The following EXOC3L2 variants were observed in gnomAD, a reference collection of about 807,000 sequenced individuals.
EXOC3L2 encodes exocyst complex component 3 like 2, also known as exocyst complex component 3-like protein 2.
In EXOC3L2, 17 loss-of-function variants were observed where a neutral mutation model predicts 44.4. The ratio of observed to expected loss-of-function variants is 0.38; its 90% confidence interval spans 0.26 to 0.57. The LOEUF (loss-of-function observed/expected upper bound fraction) is 0.57. EXOC3L2 is among the 20% of genes least tolerant of loss of function. The probability of loss-of-function intolerance (pLI) is 0.65; values close to 1 mark genes in which losing one functional copy is unlikely to be tolerated. For synonymous variants in EXOC3L2, 256 were observed against 253.7 expected (o/e 1.01, Z -0.09); for missense variants, 541 against 588.4 (o/e 0.92, Z 0.83).
At chr19:45,215,590 G>T (rs1013853667) in intron 11 of EXOC3L2, among the ~76,000 whole-genome samples, 6 of 152,246 alleles carry the variant, frequency 3.9e-5, no homozygotes, top group African/African-American at 1.4e-4. Context: ...TGATGATGAT[G>T]ATAAATTTCC....
rs915319941 is a variant in EXOC3L2 at position 45,223,534 on chromosome 19, G to T, written c.1719+1244C>A. The stretch of plus-strand genomic sequence containing the variant: ...ATTTTTGTAATTTTAGTAGAGACGG[G>T]GTTTTGCCATATTGGCCAGGCTGGT... On this transcript the variant is annotated intron_variant, in intron 8 of 11. Transcript: ENST00000413988. Among the ~76,000 whole-genome samples the T allele has an allele frequency of 2.0e-5, 3 of 151,520 alleles. No individual in the cohort carries two copies. The East Asian group carries it at 6.1e-4, about 31-fold the overall frequency.
chr19:45,232,931 T>C (rs59242878), intron 3 of EXOC3L2, among the ~76,000 whole-genome samples: 3,021 of 151,292 alleles, frequency 0.02, 96 homozygotes, highest in African/African-American at 0.069. Flanking sequence ...TACAAAAAAA[T>C]TAGGCCGGGC....
At chr19:45,230,925 T>A (rs1020624651) in intron 4 of EXOC3L2, among the ~76,000 whole-genome samples, 1 of 122,824 alleles carries the variant, frequency 8.1e-6, no homozygotes, top group African/African-American at 3.4e-5. Context: ...TCTCTGCAAA[T>A]TTTTTTTTTT....
chr19:45,239,865 A>G (rs1272350502), intron 1 of EXOC3L2, among the ~76,000 whole-genome samples: 2 of 151,926 alleles, frequency 1.3e-5, no homozygotes, highest in Non-Finnish European at 2.9e-5. Flanking sequence ...CCGTGGAGAA[A>G]CAGGCTGAGA....
In EXOC3L2 at chr19:45,234,753, G is replaced by A. The variant is rs1970066371; in HGVS notation, c.597C>T (p.Ala199=). The change falls in exon 3 of 12, where the codon GCC becomes GCT. Residue 199 remains alanine, a synonymous_variant. Transcript: ENST00000413988. The surrounding 1 kb of genome is among the most constrained non-coding windows in gnomAD (Gnocchi z 5.0). ...RADEHILELE[A]EELAPSRGGA... ...CGCCCCTCGACGGCGCCAGCTCCTCGGCCTCTAGCTCCAGGATGTGCTCGT... is the reference window on the plus strand; with the variant it reads ...CGCCCCTCGACGGCGCCAGCTCCTCAGCCTCTAGCTCCAGGATGTGCTCGT... 1.0e-5 allele frequency: 4 copies of A among 395,664 alleles called. No homozygotes were observed. The highest frequency in any genetic ancestry group is 1.3e-5 in the Non-Finnish European group (3 of 224,178). The allele number at this position is 395,664 out of a possible 1,614,324, so 24.5% of individuals were successfully genotyped here.
At chr19:45,243,119 T>C (rs1970143653) in intron 1 of EXOC3L2, among the ~76,000 whole-genome samples, 1 of 152,208 alleles carries the variant, frequency 6.6e-6, no homozygotes, top group South Asian at 2.1e-4. Flanking sequence ...AATTTATTTT[T>C]TTGCTCACGT....
At chr19:45,237,884 C>CT (rs1478910363) in intron 2 of EXOC3L2, among the ~76,000 whole-genome samples, 24 of 152,306 alleles carry the variant, frequency 1.6e-4, no homozygotes, top group Admixed American at 1.4e-3. Flanking sequence ...TGGCTCAAGC[C>CT]TGTAATCCCA....
At chr19:45,228,590 G>A (rs1969992753) in intron 4 of EXOC3L2, among the ~76,000 whole-genome samples, 2 of 152,134 alleles carry the variant, frequency 1.3e-5, no homozygotes, top group African/African-American at 2.4e-5. Context: ...TGGCCAACAT[G>A]GAGAAACCCC....
chr19:45,221,429 G>A (rs908719386), intron 8 of EXOC3L2, among the ~76,000 whole-genome samples: 1 of 151,884 alleles, frequency 6.6e-6, no homozygotes, highest in African/African-American at 2.4e-5. Context: ...TTGGCTCACT[G>A]CAACTTCTGC....
At chr19:45,218,349 C>G (rs768694913) in intron 8 of EXOC3L2, 30 bp from the exon 9 acceptor site, 5 of 1,558,298 alleles carry the variant, frequency 3.2e-6, no homozygotes, top group Admixed American at 1.8e-5. Context: ...GGGTCACGCT[C>G]TCCTCCCTCC....
intron 8 of EXOC3L2, among the ~76,000 whole-genome samples, chr19:45,222,281 C>T (rs1182301117): frequency 6.7e-6 from 1 of 150,154 alleles, no homozygotes; most frequent in African/African-American, 2.5e-5. Context: ...TTCATTGCAA[C>T]CTCTGCCTCC....
chr19:45,224,862 G>T lies in EXOC3L2; in HGVS notation c.1635C>A (p.Ala545=). Residue 545 remains alanine (A), a synonymous_variant, in exon 8 of 12, where the codon GCC becomes GCA. Transcript: ENST00000413988. ...CCAGAGCACTAGCAGATGCTTCCCGGGCCGGCTCGCTTTCTGGGGGCCCCA... is the reference window on the plus strand; with the variant it reads ...CCAGAGCACTAGCAGATGCTTCCCGTGCCGGCTCGCTTTCTGGGGGCCCCA... ...ARVGPPESEP[A]REASASALDH... is the part of the protein sequence containing the mutation. The T allele has an allele frequency of 6.3e-7, 1 of 1,582,204 alleles. No individual in the cohort carries two copies. Among genetic ancestry groups the T allele is most frequent in the Non-Finnish European group, 8.6e-7 (1 of 1,163,016 alleles).
chr19:45,217,825 G>T, intron 9 of EXOC3L2, 142 bp from the exon 10 acceptor site: 1 of 1,018,600 alleles, frequency 9.8e-7, no homozygotes, highest in African/African-American at 1.7e-5. Flanking sequence ...CCACGCCCCA[G>T]TCCCCAGCCC....
chr19:45,228,287 A>G, intron 4 of EXOC3L2, 21 bp from the exon 5 acceptor site: 1 of 1,611,522 alleles, frequency 6.2e-7, no homozygotes, highest in Non-Finnish European at 8.5e-7. Flanking sequence ...GAGAGGGGAG[A>G]CAGGCAGGAG....
intron 9 of EXOC3L2, 123 bp from the exon 10 acceptor site, chr19:45,217,806 T>C: frequency 8.7e-7 from 1 of 1,155,450 alleles, no homozygotes; most frequent in Non-Finnish European, 1.1e-6. Context: ...ATGGGCACCC[T>C]TCCCGTGCCC....
intron 4 of EXOC3L2, 67 bp downstream of exon 4, chr19:45,231,696 C>T (rs1599766454): frequency 7.1e-7 from 1 of 1,410,146 alleles, no homozygotes. Flanking sequence ...GGACAGGCTT[C>T]CCAAGCCCAC....
At chr19:45,228,987 C>A (rs906531750) in intron 4 of EXOC3L2, among the ~76,000 whole-genome samples, 4 of 151,726 alleles carry the variant, frequency 2.6e-5, no homozygotes, top group African/African-American at 9.7e-5. Context: ...AGGAGAATGG[C>A]GTGAACCCGG....
intron 4 of EXOC3L2, among the ~76,000 whole-genome samples, chr19:45,230,150 A>T (rs1970015203): frequency 6.6e-6 from 1 of 151,740 alleles, no homozygotes; most frequent in Non-Finnish European, 1.5e-5. Context: ...ATTCTTGAGT[A>T]GCTGAGACTA....
Position 45,216,215 on chromosome 19 carries a change from G to A in EXOC3L2, c.1999-21C>T, listed in dbSNP as rs571051091. 354 of 1,612,156 alleles carry A rather than the reference G, an allele frequency of 2.2e-4. 5 individuals are homozygous for A. In the South Asian group the frequency reaches 3.6e-3, roughly 17 times the overall value. On this transcript the variant is annotated intron_variant, in intron 10 of 11. Transcript: ENST00000413988. ...GACTCCTGCAGGGGAGGGAGGGTGC[G>A]GGGTCACACCCTCCCAAGATTGACC...
Sources: gnomAD v4.1 joint callset for allele counts (sites outside exome capture counted in the v4.1 genomes callset) on GRCh38, gnomAD v4.1.1 for gene constraint, Gnocchi (gnomAD v3.1) non-coding constraint, MANE v1.5 for transcripts, NCBI Gene and HGNC (gene_info 2026-07-23, HGNC 2026-07-21) for gene names.